The following MMRN2 variants were observed in gnomAD, a reference collection of about 807,000 sequenced individuals.
MMRN2 encodes the protein multimerin 2.
In MMRN2, 53 loss-of-function variants were observed where a neutral mutation model predicts 68.8. The ratio of observed to expected loss-of-function variants is 0.77; its 90% CI spans 0.62 to 0.97. The LOEUF (loss-of-function observed/expected upper bound fraction) is 0.97. Ranked by LOEUF, MMRN2 falls within the 50% of genes least tolerant of loss-of-function variation. The probability of loss-of-function intolerance (pLI) is 0.00; values close to 1 mark genes in which losing one functional copy is unlikely to be tolerated. For missense variants in MMRN2, 1,266 were observed against 1,259.5 expected (o/e 1.01, Z -0.08); for synonymous variants, 564 against 551.6 (o/e 1.02, Z -0.32).
chr10:86,957,048 G>T (rs1005941304), intron 1 of MMRN2, among the ~76,000 whole-genome samples: 4 of 152,176 alleles, frequency 2.6e-5, no homozygotes, highest in African/African-American at 9.7e-5. Context: ...GGAAGAACAG[G>T]AGGCATAGCC....
chr10:86,936,311 A>G lies in MMRN2; in HGVS notation c.*432T>C. ...CCAAAATGTTGCCTCCATTTTAAAC[A>G]TTCCTCCTGGGGAAGAATGTCTTTC... On this transcript the variant is annotated 3_prime_UTR_variant, in exon 7 of 7. Transcript: ENST00000372027. 1 of 422,334 alleles carries G rather than the reference A, an allele frequency of 2.4e-6. No individual in the cohort carries two copies. The highest frequency in any genetic ancestry group is 4.2e-6 in the Non-Finnish European group (1 of 239,906). The allele number at this position is 422,334 out of a possible 1,614,324, so 26.2% of individuals were successfully genotyped here.
At position 86,937,136 on chromosome 10, in the gene MMRN2, A is replaced by G; in HGVS notation, c.2468-11T>C. 6.2e-7 allele frequency: 1 copy of G among 1,613,270 alleles called. No individual in the cohort carries two copies. Among genetic ancestry groups the G allele is most frequent in the Non-Finnish European group, 8.5e-7 (1 of 1,179,440 alleles). ...AGGCCACAGGGGATCCTGAAACATAACAGGACAGTGCTTAGTGATTCATCC... is the reference window on the plus strand; with the variant it reads ...AGGCCACAGGGGATCCTGAAACATAGCAGGACAGTGCTTAGTGATTCATCC... On this transcript the variant is annotated splice_polypyrimidine_tract_variant and intron_variant, in intron 6 of 6. Transcript: ENST00000372027.
Position 86,936,862 on chromosome 10 carries a change from A to G in MMRN2, c.2731T>C (p.Phe911Leu). The change falls in exon 7 of 7, where the codon TTT becomes CTT. Residue 911 changes from phenylalanine to leucine, a missense_variant. Transcript: ENST00000372027. ...GQGSGSTATV[F>L]AMAELQKGER... ...CCCTTCTGCAGCTCAGCCATGGCAAAGACCGTTGCTGTGCTTCCACTCCCC... is the reference window on the plus strand; with the variant it reads ...CCCTTCTGCAGCTCAGCCATGGCAAGGACCGTTGCTGTGCTTCCACTCCCC... 6.2e-7 allele frequency: 1 copy of G among 1,614,216 alleles called. No individual in the cohort carries two copies. The highest frequency in any genetic ancestry group is 8.5e-7 in the Non-Finnish European group (1 of 1,180,044).
chr10:86,942,708 G>T lies in MMRN2; in HGVS notation c.2076C>A (p.Thr692=). The T allele has an allele frequency of 2.0e-6, 3 of 1,509,990 alleles. No homozygotes were observed. The highest frequency in any genetic ancestry group is 2.5e-5 in the East Asian group (1 of 40,726). The allele number at this position is 1,509,990 out of a possible 1,614,324, so 93.5% of individuals were successfully genotyped here. A position where few individuals can be genotyped will look rare whatever the true frequency, so the allele number is the denominator to read the frequency against. The stretch of plus-strand genomic sequence containing the variant: ...GCTCCCGCGCCAGCCCGGCCAGGGC[G>T]GTGGTGGCGGCCTCCTCGCGGCCCG... ...HDAGREEAAT[T]ALAGLARELQ... The change falls in exon 6 of 7, where the codon ACC becomes ACA. Residue 692 remains threonine, a synonymous_variant. Coordinates refer to ENST00000372027, the MANE Select transcript of MMRN2 (RefSeq NM_024756.3).
rs12247395 is a variant in MMRN2, at chr10:86,952,351, G to A, written c.164+5027C>T. On this transcript the variant is annotated intron_variant, in intron 1 of 6. Transcript: ENST00000372027. ...CACAGGTGTCATGCTTGCCTGCACA[G>A]ACATCCACCTGGGGCCCCATGGAAA... Among the ~76,000 whole-genome samples the A allele has an allele frequency of 9.0e-3, 1,365 of 152,322 alleles. 17 individuals carry two copies. The highest frequency in any genetic ancestry group is 0.031 in the African/African-American group (1,281 of 41,570).
chr10:86,952,650 G>C (rs767621516), intron 1 of MMRN2, among the ~76,000 whole-genome samples: 1 of 152,184 alleles, frequency 6.6e-6, no homozygotes, highest in Non-Finnish European at 1.5e-5. Context: ...GGGGCAAAAA[G>C]CAGAGCAAAG....
At position 86,944,654 on chromosome 10, in the gene MMRN2, A is replaced by C. The variant is rs553422883; in HGVS notation, c.482-219T>G. On this transcript the variant is annotated intron_variant, in intron 4 of 6. Coordinates refer to ENST00000372027, the MANE Select transcript of MMRN2 (RefSeq NM_024756.3). ...CTACAGCAGACATGACTAATCAATC[A>C]TGGTACACTCCCCTCCTCAGCACAT... is the stretch of plus-strand genomic sequence containing the variant. The C allele has an allele frequency of 3.6e-5, 20 of 556,298 alleles. No homozygotes were observed. In the East Asian group the frequency reaches 6.2e-4, roughly 17 times the overall value. The allele number at this position is 556,298 out of a possible 1,614,324, so 34.5% of individuals were successfully genotyped here.
At position 86,943,560 on chromosome 10, in the gene MMRN2, G is replaced by A. The variant is rs771051131; in HGVS notation, c.1224C>T (p.His408=). 1.9e-6 allele frequency: 3 copies of A among 1,614,150 alleles called. No homozygotes were observed. Among genetic ancestry groups the A allele is most frequent in the African/African-American group, 1.3e-5 (1 of 75,042 alleles). The change falls in exon 6 of 7, where the codon CAC becomes CAT. Residue 408 remains histidine, a synonymous_variant. Transcript: ENST00000372027. This position sits in a 1 kb window ranked among gnomAD's most constrained non-coding sequence, Gnocchi z 4.2. ...AGTACAGTTCCTTGATCTCATCCAC[G>A]TGCCGGGTCAGGGTGGCCCTCATGT... ...LEDMRATLTR[H]VDEIKELYSE...
rs188616373 is a variant in MMRN2, at chr10:86,948,917, C to G, written c.165-3228G>C. On this transcript the variant is annotated intron_variant, in intron 1 of 6. Coordinates refer to ENST00000372027, the MANE Select transcript of MMRN2 (RefSeq NM_024756.3). ...GCTTCAGTGAGCTATGATTGCGCCA[C>G]TGGACTCCAGCCTGAGCAAAAGAGC... 27 of 152,330 alleles carry G rather than the reference C, an allele frequency of 1.8e-4. No individual in the cohort carries two copies. In the East Asian group the frequency reaches 3.9e-3, roughly 22 times the overall value. The allele number at this position is 152,330 out of a possible 1,614,324, so 9.4% of individuals were successfully genotyped here.
intron 1 of MMRN2, among the ~76,000 whole-genome samples, chr10:86,956,644 C>T (rs746884435): frequency 1.3e-5 from 2 of 152,232 alleles, no homozygotes; most frequent in Non-Finnish European, 2.9e-5. Flanking sequence ...GAGCCTCAGG[C>T]TCCTCCTCTG....
intron 6 of MMRN2, among the ~76,000 whole-genome samples, chr10:86,939,461 CAAAAAAAAAAAAAA>C (rs34692290): frequency 2.7e-5 from 2 of 74,578 alleles, no homozygotes; most frequent in African/African-American, 1.1e-4. Flanking sequence ...GACTCCGTCT[CAAAAAAAAAAAAAA>C]AAAAAAAAAA....
rs1401747820 is a variant in MMRN2, at chr10:86,942,506, C to G, written c.2278G>C (p.Gly760Arg). ...LFHSLFGNFQGLMEANVSLDL... is the reference protein window; with the variant it reads ...LFHSLFGNFQRLMEANVSLDL... ...AGGCTGACGTTGGCTTCCATGAGCC[C>G]TTGGAAGTTCCCAAAGAGGCTGTGG... Residue 760 changes from glycine to arginine, a missense_variant, in exon 6 of 7, where the codon GGG becomes CGG. Transcript: ENST00000372027. The G allele has an allele frequency of 1.2e-6, 2 of 1,614,010 alleles. No individual in the cohort carries two copies. The highest frequency in any genetic ancestry group is 1.1e-5 in the South Asian group (1 of 91,080).
Position 86,942,376 on chromosome 10 carries a change from A to T in MMRN2, c.2408T>A (p.Val803Glu), listed in dbSNP as rs547343280. 9 of 1,614,092 alleles carry T rather than the reference A, an allele frequency of 5.6e-6. No homozygotes were observed. Among genetic ancestry groups the T allele is most frequent in the Admixed American group, 1.7e-5 (1 of 60,024 alleles). The change falls in exon 6 of 7, where the codon GTG becomes GAG. Residue 803 changes from valine (V) to glutamate (E), a missense_variant. Physicochemically the swap from Val to Glu is moderately radical, Grantham distance 121 (BLOSUM62 -2). Transcript: ENST00000372027. ...CACAGGCCCTGTGACCCGTATGTCC[A>T]CCAAAGGCTCCGCTTCCTTCTTGTC... ...KRDKKEAEPL[V>E]DIRVTGPVPG...
At chr10:86,937,262 A>G in intron 6 of MMRN2, 137 bp from the exon 7 acceptor site, 1 of 944,010 alleles carries the variant, frequency 1.1e-6, no homozygotes, top group Non-Finnish European at 1.5e-6. Context: ...GATATTCCCA[A>G]CAGCAGTGTT....
At chr10:86,950,486 CT>C (rs1323179551) in intron 1 of MMRN2, among the ~76,000 whole-genome samples, 1 of 152,178 alleles carries the variant, frequency 6.6e-6, no homozygotes, top group African/African-American at 2.4e-5. Flanking sequence ...AGGAAACACT[CT>C]AACAAAACAA....
At chr10:86,937,674 G>A (rs1030992032) in intron 6 of MMRN2, among the ~76,000 whole-genome samples, 4 of 152,138 alleles carry the variant, frequency 2.6e-5, no homozygotes, top group African/African-American at 9.7e-5. Context: ...ATCCTTCACC[G>A]GCTGCCCAAG....
rs1404805893 is a variant in MMRN2, at chr10:86,936,009, T to G, written c.*734A>C. The G allele has an allele frequency of 6.3e-6, 1 of 158,330 alleles. No individual in the cohort carries two copies. Among genetic ancestry groups the G allele is most frequent in the Non-Finnish European group, 1.4e-5 (1 of 72,254 alleles). 9.8% of individuals were successfully genotyped at this position (158,330 alleles called of 1,614,324 possible). ...ATCAAACTTATAAAATCATCAGATC[T>G]CGTGAGAACTATCACAAGAACAGCA... On this transcript the variant is annotated 3_prime_UTR_variant, in exon 7 of 7. Coordinates refer to ENST00000372027, the MANE Select transcript of MMRN2 (RefSeq NM_024756.3).
chr10:86,941,694 G>A (rs1254199754), intron 6 of MMRN2, among the ~76,000 whole-genome samples: 1 of 151,514 alleles, frequency 6.6e-6, no homozygotes, highest in African/African-American at 2.4e-5. Context: ...AGCTACTCTG[G>A]AGGCTGAAGT....
chr10:86,944,172 C>G (rs1207859580), intron 5 of MMRN2, 44 bp from the exon 6 acceptor site: 1 of 1,598,338 alleles, frequency 6.3e-7, no homozygotes, highest in Non-Finnish European at 8.5e-7. Flanking sequence ...CAGGAGCAGA[C>G]ACTCCTCCCA....
Sources: allele counts gnomAD v4.1 joint callset (sites outside exome capture counted in the v4.1 genomes callset), GRCh38; gene constraint gnomAD v4.1.1; non-coding constraint Gnocchi (gnomAD v3.1); transcripts MANE v1.5; gene names NCBI Gene and HGNC (gene_info 2026-07-23, HGNC 2026-07-21).